The following PTPN3 variants were observed in gnomAD, a reference collection of about 807,000 sequenced individuals.
The protein encoded by PTPN3 is protein tyrosine phosphatase non-receptor type 3, also known as tyrosine-protein phosphatase non-receptor type 3.
Under a neutral mutation model 132.7 loss-of-function variants are expected in PTPN3, and 96 were observed. That is an observed-to-expected ratio of 0.72 (90% CI 0.61 to 0.86). The LOEUF is 0.86. Ranked by LOEUF, PTPN3 falls within the 40% of genes least tolerant of loss-of-function variation. PTPN3 has a pLI of 0.00. For synonymous variants in PTPN3, 398 were observed against 429.0 expected (o/e 0.93, Z 0.89); for missense variants, 1,125 against 1,159.6 (o/e 0.97, Z 0.43).
rs1188133261 is a variant in PTPN3, at chr9:109,377,931, T to C, written c.*1625A>G. On this transcript the variant is annotated 3_prime_UTR_variant, in exon 26 of 26. Coordinates refer to ENST00000374541, the MANE Select transcript of PTPN3 (RefSeq NM_002829.4). ...TTCTGGTGGTTTCTTGTTTTCAATA[T>C]GGGGTTATGGTACTGTGTGACATCT... 1 of 152,218 alleles carries C rather than the reference T, an allele frequency of 6.6e-6. No homozygotes were observed. Among genetic ancestry groups the C allele is most frequent in the Non-Finnish European group, 1.5e-5 (1 of 68,034 alleles). The allele number at this position is 152,218 out of a possible 1,614,324, so 9.4% of individuals were successfully genotyped here.
Position 109,435,592 on chromosome 9 carries a change from C to T in PTPN3, c.675+1291G>A, listed in dbSNP as rs7044517. On this transcript the variant is annotated intron_variant, in intron 9 of 25. Coordinates refer to ENST00000374541, the MANE Select transcript of PTPN3 (RefSeq NM_002829.4). ...TGGAGATTTAGGGGTTTTTAGTTCA[C>T]GTAGAACAGCCTAGTATGACCAACC... 6.0e-3 allele frequency among the ~76,000 whole-genome samples: 919 copies of T among 152,246 alleles called. 12 individuals are homozygous for T. The highest frequency in any genetic ancestry group is 0.021 in the African/African-American group (869 of 41,542).
chr9:109,394,191 AACAATTAAGTGAATAT>A (rs1199506957), intron 19 of PTPN3, among the ~76,000 whole-genome samples: 1 of 152,248 alleles, frequency 6.6e-6, no homozygotes, highest in Admixed American at 6.5e-5. Context: ...GAATATAATC[AACAATTAAGTGAATAT>A]ACAATTAAGT....
At position 109,410,375 on chromosome 9, in the gene PTPN3, G is replaced by A. The variant is rs1473865260; in HGVS notation, c.1354C>T (p.Gln452Ter). ...ENNPAQSYLTQKSSSSVSPSS... is the reference protein window; with the variant it reads ...ENNPAQSYLT Reference sequence around the variant, plus strand: ...GGAGACACAGAACTGGATGACTTCTGGGTCAGGTAGCTTTGTGCCGGATTG... The same window carrying A: ...GGAGACACAGAACTGGATGACTTCTAGGTCAGGTAGCTTTGTGCCGGATTG... The change falls in exon 15 of 26, where the codon CAG (glutamine) becomes TAG (stop). Residue 452 changes from glutamine to a stop codon, truncating the protein, a stop_gained. Coordinates refer to ENST00000374541, the MANE Select transcript of PTPN3 (RefSeq NM_002829.4). LOFTEE classifies it high-confidence loss of function. The A allele has an allele frequency of 6.2e-7, 1 of 1,614,032 alleles. No individual in the cohort carries two copies. The highest frequency in any genetic ancestry group is 1.3e-5 in the African/African-American group (1 of 74,922).
At position 109,426,475 on chromosome 9, in the gene PTPN3, A is replaced by C. The variant is rs1249199884; in HGVS notation, c.1001+475T>G. Reference sequence around the variant, plus strand: ...TGCTCAGTAATTATCAACTGTGATTACTACTGTTATTTTGTAATTATTATA... The same window carrying C: ...TGCTCAGTAATTATCAACTGTGATTCCTACTGTTATTTTGTAATTATTATA... On this transcript the variant is annotated intron_variant, in intron 12 of 25. Coordinates refer to ENST00000374541, the MANE Select transcript of PTPN3 (RefSeq NM_002829.4). 3.9e-5 allele frequency among the ~76,000 whole-genome samples: 6 copies of C among 152,280 alleles called. No homozygotes were observed. In the East Asian group the frequency reaches 9.6e-4, roughly 24 times the overall value.
intron 4 of PTPN3, among the ~76,000 whole-genome samples, chr9:109,456,129 T>G (rs1164536791): frequency 6.6e-6 from 1 of 152,206 alleles, no homozygotes; most frequent in Non-Finnish European, 1.5e-5. Context: ...TACTTCTTCC[T>G]GCCTGGGTGC....
chr9:109,495,219 C>G lies in PTPN3; in HGVS notation c.-18+3000G>C, dbSNP rs371363138. Among the ~76,000 whole-genome samples the G allele has an allele frequency of 2.0e-5, 3 of 152,302 alleles. No individual in the cohort carries two copies. The South Asian group carries it at 6.2e-4, about 32-fold the overall frequency. ...TCCAGACCAGGGTATGTGCTGGGTG[C>G]CTTCAGCATTCCAGCTTCTACAACA... On this transcript the variant is annotated intron_variant, in intron 1 of 25. Transcript: ENST00000374541.
chr9:109,492,418 G>T (rs970150070), intron 1 of PTPN3, among the ~76,000 whole-genome samples: 1 of 152,190 alleles, frequency 6.6e-6, no homozygotes, highest in Non-Finnish European at 1.5e-5. Context: ...TGTGGTCCTG[G>T]CTGAGGAGGG....
the PTPN3 span, chr9:109,532,692 T>G: frequency 4.3e-6 from 1 of 233,826 alleles, no homozygotes; most frequent in African/African-American, 2.3e-5. Flanking sequence ...GATAGTTCTA[T>G]TTATCTGGTC....
chr9:109,441,887 G>A (rs908779590), intron 7 of PTPN3, among the ~76,000 whole-genome samples: 7 of 151,974 alleles, frequency 4.6e-5, no homozygotes, highest in African/African-American at 1.2e-4. Context: ...GATTACAGGT[G>A]CAAACCACTA....
chr9:109,486,760 T>G (rs1847231794), intron 1 of PTPN3, among the ~76,000 whole-genome samples: 1 of 152,116 alleles, frequency 6.6e-6, no homozygotes, highest in Non-Finnish European at 1.5e-5. Context: ...AATCCTCACA[T>G]GTCATGGGAG....
At chr9:109,410,489 G>A (rs892574096) in intron 14 of PTPN3, 74 bp from the exon 15 acceptor site, 7 of 1,491,204 alleles carry the variant, frequency 4.7e-6, no homozygotes, top group East Asian at 2.3e-5. Flanking sequence ...CTGACTGTAG[G>A]GGCCTGGCAG....
chr9:109,450,154 T>C, intron 5 of PTPN3: 11 of 984,622 alleles, frequency 1.1e-5, no homozygotes, highest in Non-Finnish European at 1.3e-5. Context: ...GTAACTCTAA[T>C]ATTATTACTT....
chr9:109,465,774 G>C (rs182870968), intron 1 of PTPN3, among the ~76,000 whole-genome samples: 1 of 151,912 alleles, frequency 6.6e-6, no homozygotes, highest in Admixed American at 6.6e-5. Flanking sequence ...TCAGGGAACG[G>C]TGAAGATATA....
At chr9:109,466,708 G>A (rs997949129) in intron 1 of PTPN3, among the ~76,000 whole-genome samples, 6 of 152,150 alleles carry the variant, frequency 3.9e-5, no homozygotes, top group Non-Finnish European at 5.9e-5. Flanking sequence ...CGCAAGTCAC[G>A]GGTAATTGGA....
chr9:109,382,366 G>C lies in PTPN3; in HGVS notation c.2464C>G (p.Leu822Val). 1 of 1,614,140 alleles carries C rather than the reference G, an allele frequency of 6.2e-7. No individual in the cohort carries two copies. The highest frequency in any genetic ancestry group is 8.5e-7 in the Non-Finnish European group (1 of 1,179,964). ...HGVPDDSSDF[L>V]EFVNYVRSLR... ...GACCTCACATAGTTTACAAATTCCA[G>C]AAAGTCGGAGGAGTCATCGGGCACA... Residue 822 changes from leucine (L) to valine (V), a missense_variant, in exon 24 of 26, where the codon CTG (leucine) becomes GTG (valine). Transcript: ENST00000374541.
At chr9:109,464,372 G>C (rs1845993075) in intron 1 of PTPN3, among the ~76,000 whole-genome samples, 2 of 152,282 alleles carry the variant, frequency 1.3e-5, no homozygotes, top group African/African-American at 2.4e-5. Context: ...TGGACACAAA[G>C]AAGGGAGCAA....
intron 25 of PTPN3, among the ~76,000 whole-genome samples, chr9:109,381,444 G>A (rs375958470): frequency 1.3e-4 from 20 of 152,334 alleles, no homozygotes; most frequent in African/African-American, 3.4e-4. Context: ...CCTGACAGAC[G>A]GGCTGGCAGG....
At chr9:109,382,751 G>GTTT (rs113019092) in intron 23 of PTPN3, among the ~76,000 whole-genome samples, 1 of 127,180 alleles carries the variant, frequency 7.9e-6, no homozygotes, top group Non-Finnish European at 1.7e-5. Flanking sequence ...CATGCTGACT[G>GTTT]TTTTTTTTTT....
intron 5 of PTPN3, chr9:109,451,005 G>A: frequency 1.0e-6 from 1 of 978,500 alleles, no homozygotes; most frequent in Non-Finnish European, 1.2e-6. Context: ...CAGGAATATA[G>A]GTAAAATCTT....
Sources: allele counts gnomAD v4.1 joint callset (sites outside exome capture counted in the v4.1 genomes callset), GRCh38; gene constraint gnomAD v4.1.1; transcripts MANE v1.5; gene names NCBI Gene and HGNC (gene_info 2026-07-23, HGNC 2026-07-21).